Variants in RBL1 observed in about 807,000 individuals in gnomAD.
RBL1 encodes the protein RB transcriptional corepressor like 1, also known as retinoblastoma-like protein 1.
RBL1 carries 82 observed loss-of-function variants against 123.0 expected under a neutral mutation model. That is an observed-to-expected ratio of 0.67 (90% CI 0.56 to 0.80). The LOEUF is 0.80. Among genes scored for constraint, RBL1 ranks in the 30% least tolerant of loss-of-function variants. RBL1 has a pLI of 0.00. For synonymous variants in RBL1, 405 were observed against 441.3 expected (o/e 0.92, Z 1.03); for missense variants, 1,171 against 1,299.6 (o/e 0.90, Z 1.52).
intron 1 of RBL1, 83 bp downstream of exon 1, chr20:37,095,690 C>T (rs2065724501): frequency 1.6e-5 from 21 of 1,307,188 alleles, no homozygotes; most frequent in Non-Finnish European, 2.0e-5. Flanking sequence ...AAACTCCCAC[C>T]ACCCCATAGG....
chr20:37,093,590 A>C (rs1332668928), intron 1 of RBL1, among the ~76,000 whole-genome samples: 1 of 151,960 alleles, frequency 6.6e-6, no homozygotes, highest in African/African-American at 2.4e-5. Context: ...AGTGAGCTAT[A>C]ATTGCACCAC....
At chr20:37,043,385 C>T (rs1015783581) in intron 13 of RBL1, among the ~76,000 whole-genome samples, 15 of 150,636 alleles carry the variant, frequency 1.0e-4, no homozygotes, top group Admixed American at 6.0e-4. Context: ...CCCAGCTACA[C>T]GGGAGGCTGA....
At chr20:37,081,497 C>G (rs986959842) in intron 2 of RBL1, among the ~76,000 whole-genome samples, 2 of 151,846 alleles carry the variant, frequency 1.3e-5, no homozygotes, top group Admixed American at 1.3e-4. Context: ...AAAAACAAAA[C>G]AAAACAAAAA....
At chr20:37,070,575 T>C (rs374206381) in intron 2 of RBL1, among the ~76,000 whole-genome samples, 1 of 152,238 alleles carries the variant, frequency 6.6e-6, no homozygotes. Flanking sequence ...AAATGGGAAT[T>C]TGATTACAAA....
intron 18 of RBL1, among the ~76,000 whole-genome samples, chr20:37,018,819 C>T (rs531639905): frequency 2.7e-5 from 4 of 147,214 alleles, no homozygotes; most frequent in Non-Finnish European, 6.0e-5. Flanking sequence ...GGTGTGGTAG[C>T]GCACAGTTGT....
intron 20 of RBL1, 94 bp from the exon 21 acceptor site, chr20:37,003,960 A>T (rs1267040365): frequency 8.5e-7 from 1 of 1,182,564 alleles, no homozygotes; most frequent in African/African-American, 1.6e-5. Context: ...CTAGTTAGAA[A>T]ACAGTTATAC....
At chr20:37,031,688 G>A (rs1321166984) in intron 16 of RBL1, among the ~76,000 whole-genome samples, 1 of 152,142 alleles carries the variant, frequency 6.6e-6, no homozygotes, top group African/African-American at 2.4e-5. Flanking sequence ...TCCCATTTCT[G>A]GGAATATACC....
intron 2 of RBL1, among the ~76,000 whole-genome samples, chr20:37,079,073 G>A (rs1339906616): frequency 6.6e-6 from 1 of 151,818 alleles, no homozygotes. Context: ...ATGATGGTGT[G>A]TACCTGTTAA....
In RBL1 at chr20:37,017,620, T is replaced by TTGTGTGTGTGTGTGTGTGTGTGTGTG. The variant is rs147347259; in HGVS notation, c.2722+633_2722+658dup. ...ATACTTATATGAACAGGACATTTTC[T>TTGTGTGTGTGTGTGTGTGTGTGTGTG]TGTGTGTGTGTGTGTGTGTGTGTGT... is the stretch of plus-strand genomic sequence containing the variant. On this transcript the variant is annotated intron_variant, in intron 19 of 21. Coordinates refer to ENST00000373664, the MANE Select transcript of RBL1 (RefSeq NM_002895.5). Among the ~76,000 whole-genome samples, 48 of 139,806 alleles carry TTGTGTGTGTGTGTGTGTGTGTGTGTG rather than the reference T, an allele frequency of 3.4e-4. 2 individuals are homozygous for TTGTGTGTGTGTGTGTGTGTGTGTGTG. The highest frequency in any genetic ancestry group is 8.9e-4 in the African/African-American group (32 of 35,942). 91.7% of individuals were successfully genotyped at this position (139,806 alleles called of 152,430 possible). A position where few individuals can be genotyped will look rare whatever the true frequency, so the allele number is the denominator to read the frequency against.
At chr20:37,014,831 G>A (rs973135570) in intron 19 of RBL1, among the ~76,000 whole-genome samples, 6 of 152,146 alleles carry the variant, frequency 3.9e-5, no homozygotes, top group Admixed American at 1.3e-4. Flanking sequence ...GGGAGGCCAA[G>A]GCGGGTGGAA....
intron 1 of RBL1, among the ~76,000 whole-genome samples, chr20:37,090,977 T>C (rs1353555449): frequency 1.3e-5 from 2 of 152,166 alleles, no homozygotes; most frequent in African/African-American, 4.8e-5. Flanking sequence ...ATTCAACAAT[T>C]TTCTGCATTA....
chr20:37,002,399 A>C (rs545875481), intron 21 of RBL1, among the ~76,000 whole-genome samples: 65 of 116,168 alleles, frequency 5.6e-4, no homozygotes, highest in African/African-American at 2.1e-3. Flanking sequence ...GCTGGAGTGC[A>C]ATGGCACGAT....
chr20:37,013,089 C>A (rs1458722264), intron 19 of RBL1, among the ~76,000 whole-genome samples: 1 of 152,174 alleles, frequency 6.6e-6, no homozygotes, highest in African/African-American at 2.4e-5. Context: ...GGGAGGTGTA[C>A]CCAACAGCTC....
At chr20:37,087,266 C>T (rs111413353) in intron 2 of RBL1, among the ~76,000 whole-genome samples, 1,873 of 151,480 alleles carry the variant, frequency 0.012, 48 homozygotes, top group African/African-American at 0.043. Flanking sequence ...ACCCGGGAGG[C>T]GGAGGTTGCA....
intron 19 of RBL1, among the ~76,000 whole-genome samples, chr20:37,014,476 TTACTTGCTAATAAATATATC>T (rs1158384139): frequency 2.6e-5 from 4 of 152,160 alleles, no homozygotes; most frequent in Non-Finnish European, 5.9e-5. Context: ...GGTTGTTTGC[TTACTTGCTAATAAATATATC>T]TAGTTAATAA....
At chr20:37,082,063 C>A (rs1461455654) in intron 2 of RBL1, 1 of 454,674 alleles carries the variant, frequency 2.2e-6, no homozygotes, top group Admixed American at 2.4e-5. Context: ...GTCTCTATGC[C>A]GGGGGAGCCT....
chr20:37,024,864 G>C (rs1454050571), intron 16 of RBL1, among the ~76,000 whole-genome samples: 1 of 152,204 alleles, frequency 6.6e-6, no homozygotes, highest in Admixed American at 6.5e-5. Flanking sequence ...CTTAGGCATA[G>C]GAGGGGGTGA....
chr20:37,052,327 A>AGCCTT (rs1356417973), intron 11 of RBL1, among the ~76,000 whole-genome samples: 1 of 151,172 alleles, frequency 6.6e-6, no homozygotes, highest in Admixed American at 6.6e-5. Context: ...CGCCGTGCCC[A>AGCCTT]GCCTTATTTA....
intron 17 of RBL1, among the ~76,000 whole-genome samples, chr20:37,021,338 C>G (rs946859857): frequency 6.6e-6 from 1 of 152,170 alleles, no homozygotes; most frequent in African/African-American, 2.4e-5. Context: ...TCCATTAGTG[C>G]TAAACCTGTT....
Sources: allele counts gnomAD v4.1 joint callset (sites outside exome capture counted in the v4.1 genomes callset), GRCh38; gene constraint gnomAD v4.1.1; transcripts MANE v1.5; gene names NCBI Gene and HGNC (gene_info 2026-07-23, HGNC 2026-07-21).